The following GRIK4 variants were observed in gnomAD, a reference collection of about 807,000 sequenced individuals.
GRIK4 encodes the protein glutamate receptor ionotropic, kainate 4.
GRIK4 carries 40 observed loss-of-function variants against 104.9 expected under a neutral mutation model. The ratio of observed to expected loss-of-function variants is 0.38; its 90% CI spans 0.30 to 0.50. The LOEUF is 0.50. Ranked by LOEUF, GRIK4 falls within the 20% of genes least tolerant of loss-of-function variation. The probability of loss-of-function intolerance (pLI) is 0.93; values close to 1 mark genes in which losing one functional copy is unlikely to be tolerated. For missense variants in GRIK4, 1,047 were observed against 1,308.1 expected (o/e 0.80, Z 3.08); for synonymous variants, 485 against 524.9 (o/e 0.92, Z 1.04).
intron 3 of GRIK4, among the ~76,000 whole-genome samples, chr11:120,795,879 T>A (rs1952501175): frequency 1.3e-5 from 2 of 152,198 alleles, no homozygotes; most frequent in South Asian, 2.1e-4. Flanking sequence ...AGTATTTGCA[T>A]ATAACTTATG....
chr11:120,582,412 G>A (rs967572675), intron 1 of GRIK4, among the ~76,000 whole-genome samples: 2 of 151,986 alleles, frequency 1.3e-5, no homozygotes, highest in Non-Finnish European at 1.5e-5. Context: ...TCATCGCCGA[G>A]GTAATAAGTA....
chr11:120,883,072 A>G (rs1388860937), intron 11 of GRIK4, among the ~76,000 whole-genome samples: 1 of 152,072 alleles, frequency 6.6e-6, no homozygotes, highest in Non-Finnish European at 1.5e-5. Flanking sequence ...TCACACTATT[A>G]TTCAGTGCTG....
At chr11:120,957,591 A>ATGTG (rs72064502) in intron 16 of GRIK4, among the ~76,000 whole-genome samples, 63 of 136,530 alleles carry the variant, frequency 4.6e-4, no homozygotes, top group South Asian at 1.2e-3. Flanking sequence ...GACAAAACAA[A>ATGTG]TGTGTGTGTG....
Position 120,875,236 on chromosome 11 carries a change from T to C in GRIK4, c.1157T>C (p.Phe386Ser), listed in dbSNP as rs372673799. The C allele has an allele frequency of 7.5e-6, 12 of 1,606,364 alleles. No homozygotes were observed. Among genetic ancestry groups the C allele is most frequent in the Admixed American group, 3.3e-5 (2 of 59,994 alleles). ...ATCTTACAGTTCACAAGGAATGGTTTTCGGCAGGTAAGCCTAGCTGCACCG... is the reference window on the plus strand; with the variant it reads ...ATCTTACAGTTCACAAGGAATGGTTCTCGGCAGGTAAGCCTAGCTGCACCG... ...LKILQFTRNG[F>S]RQIGQWHVAE... is the part of the protein sequence containing the mutation. Residue 386 changes from phenylalanine (F) to serine (S), a missense_variant, in exon 11 of 21, where the codon TTT becomes TCT. By Grantham distance (155) the Phe-to-Ser change is radical (BLOSUM62 -2). This residue lies in a region of GRIK4 where 447 missense variants were observed against 514.9 expected (regional missense o/e 0.87). Transcript: ENST00000527524.
At chr11:120,567,295 G>A (rs1176355917) in intron 1 of GRIK4, among the ~76,000 whole-genome samples, 1 of 152,066 alleles carries the variant, frequency 6.6e-6, no homozygotes, top group East Asian at 1.9e-4. Context: ...AAATAGCTGG[G>A]AATGCAGGGG....
chr11:120,819,330 G>A lies in GRIK4; in HGVS notation c.346-425G>A, dbSNP rs7940041. On this transcript the variant is annotated intron_variant, in intron 5 of 20. Coordinates refer to ENST00000527524, the MANE Select transcript of GRIK4 (RefSeq NM_014619.5). The surrounding 1 kb of genome is among the most constrained non-coding windows in gnomAD (Gnocchi z 4.3). ...ACTCTTCTCTTAGTCCCAGGGTAGCGATTTTTCTCTTTCTGCCGTCTCTGC... is the reference window on the plus strand; with the variant it reads ...ACTCTTCTCTTAGTCCCAGGGTAGCAATTTTTCTCTTTCTGCCGTCTCTGC... Among the ~76,000 whole-genome samples the A allele has an allele frequency of 0.46, 70,437 of 151,674 alleles. 17,379 individuals are homozygous for A. The highest frequency in any genetic ancestry group is 0.65 in the African/African-American group (26,743 of 41,360).
At chr11:120,619,439 G>A (rs995984092) in intron 1 of GRIK4, among the ~76,000 whole-genome samples, 5 of 152,158 alleles carry the variant, frequency 3.3e-5, no homozygotes, top group Admixed American at 2.0e-4. Flanking sequence ...TAAGACTTTC[G>A]GGGACTGTTT....
intron 1 of GRIK4, among the ~76,000 whole-genome samples, chr11:120,561,257 T>C (rs1221542653): frequency 6.6e-6 from 1 of 151,976 alleles, no homozygotes; most frequent in East Asian, 1.9e-4. Context: ...TTGCTGCGGG[T>C]CATCAGCCCG....
chr11:120,885,549 C>G (rs1955093666), intron 11 of GRIK4, among the ~76,000 whole-genome samples: 1 of 152,124 alleles, frequency 6.6e-6, no homozygotes, highest in African/African-American at 2.4e-5. Context: ...CCACGGCTGG[C>G]TAATTTTTGT....
At chr11:120,640,732 A>G (rs1397966998) in intron 1 of GRIK4, among the ~76,000 whole-genome samples, 3 of 150,558 alleles carry the variant, frequency 2.0e-5, no homozygotes, top group South Asian at 2.1e-4. Context: ...TTTTTGAGAC[A>G]CAGTCTCGCT....
chr11:120,548,474 G>A (rs1948108366), intron 1 of GRIK4, among the ~76,000 whole-genome samples: 1 of 152,120 alleles, frequency 6.6e-6, no homozygotes, highest in Admixed American at 6.5e-5. Context: ...AGTGCAGGGT[G>A]TCTTGCTCAG....
intron 13 of GRIK4, among the ~76,000 whole-genome samples, chr11:120,917,322 G>A (rs1319832552): frequency 1.3e-5 from 2 of 151,342 alleles, no homozygotes; most frequent in African/African-American, 4.9e-5. Context: ...AAGAAAGCCA[G>A]GCTTTCCATT....
intron 13 of GRIK4, among the ~76,000 whole-genome samples, chr11:120,934,855 T>G (rs966377197): frequency 6.6e-6 from 1 of 152,178 alleles, no homozygotes; most frequent in Non-Finnish European, 1.5e-5. Flanking sequence ...CCTGTCCTTT[T>G]CTTTCTCCGG....
In GRIK4 at chr11:120,640,707, CT is replaced by C. The variant is rs1246940986; in HGVS notation, c.-158-12965del. On this transcript the variant is annotated intron_variant, in intron 1 of 20. Coordinates refer to ENST00000527524, the MANE Select transcript of GRIK4 (RefSeq NM_014619.5). The stretch of plus-strand genomic sequence containing the variant: ...TTGTTGTGGTCCAGAAATGATAAAC[CT>C]TTTTTTTTTTTTCTTTTTGAGACAC... Among the ~76,000 whole-genome samples the C allele has an allele frequency of 1.5e-3, 213 of 145,242 alleles. 1 individual carries two copies. The highest frequency in any genetic ancestry group is 2.6e-3 in the Admixed American group (37 of 14,434).
In GRIK4 at chr11:120,555,449, C is replaced by T. The variant is rs1051491468; in HGVS notation, c.-159+43562C>T. Among the ~76,000 whole-genome samples the T allele has an allele frequency of 2.0e-5, 3 of 152,184 alleles. No individual in the cohort carries two copies. The highest frequency in any genetic ancestry group is 4.4e-5 in the Non-Finnish European group (3 of 68,032). On this transcript the variant is annotated intron_variant, in intron 1 of 20. Transcript: ENST00000527524. This position sits in a 1 kb window ranked among gnomAD's most constrained non-coding sequence, Gnocchi z 5.3. ...AGAGCTTGCTAAAAAAGCTTTCTAC[C>T]GGGCTGCTTATGTACTCGCCGAGCC...
intron 1 of GRIK4, among the ~76,000 whole-genome samples, chr11:120,606,757 G>A (rs1948968620): frequency 6.6e-6 from 1 of 152,030 alleles, no homozygotes; most frequent in African/African-American, 2.4e-5. Context: ...ATGGGGCCGT[G>A]GAAAGACTTT....
At chr11:120,868,463 G>C (rs1037495204) in intron 9 of GRIK4, 1 of 150,310 alleles carries the variant, frequency 6.7e-6, no homozygotes, top group Admixed American at 6.7e-5. Flanking sequence ...CACAGATGAG[G>C]AGTAGAGGCC....
At chr11:120,950,774 A>G (rs1943981608) in intron 14 of GRIK4, among the ~76,000 whole-genome samples, 1 of 152,228 alleles carries the variant, frequency 6.6e-6, no homozygotes, top group African/African-American at 2.4e-5. Context: ...TGATGGACAC[A>G]GGAATGATTA....
intron 13 of GRIK4, among the ~76,000 whole-genome samples, chr11:120,910,088 A>G (rs1942958482): frequency 6.6e-6 from 1 of 152,082 alleles, no homozygotes. Context: ...TATCTTGTGC[A>G]CTCACTTCTG....
Sources: allele counts gnomAD v4.1 joint callset (sites outside exome capture counted in the v4.1 genomes callset), GRCh38; gene constraint gnomAD v4.1.1; regional missense constraint gnomAD v4.1.1; non-coding constraint Gnocchi (gnomAD v3.1); transcripts MANE v1.5; gene names NCBI Gene and HGNC (gene_info 2026-07-23, HGNC 2026-07-21).